Variants in EQTN observed in about 807,000 individuals in gnomAD.
EQTN encodes the protein equatorin.
A neutral mutation model predicts 26.9 loss-of-function variants in EQTN; 29 were observed. The ratio of observed to expected loss-of-function variants is 1.08; its 90% CI spans 0.80 to 1.47. The LOEUF is 1.47. Ranked by LOEUF, EQTN falls within the 40% of genes most tolerant of loss-of-function variation. The pLI, the probability that EQTN is intolerant of heterozygous loss-of-function variation, is 0.00. For synonymous variants in EQTN, 129 were observed against 120.0 expected (o/e 1.07, Z -0.49); for missense variants, 391 against 346.1 (o/e 1.13, Z -1.03).
At chr9:27,295,357 A>G (rs17778784) in intron 2 of EQTN, among the ~76,000 whole-genome samples, 19,275 of 152,210 alleles carry the variant, frequency 0.13, 1,540 homozygotes, top group East Asian at 0.21. Flanking sequence ...AGGGACAGAC[A>G]GTTTAAAAAA....
chr9:27,293,861 T>C (rs1820285392), intron 3 of EQTN, among the ~76,000 whole-genome samples: 1 of 152,226 alleles, frequency 6.6e-6, no homozygotes, highest in Non-Finnish European at 1.5e-5. Context: ...TAGGCATTCC[T>C]GAGTCTCACA....
Position 27,295,467 on chromosome 9 carries a change from C to T in EQTN, c.203-1065G>A, listed in dbSNP as rs757561257. ...TGGTGTTAGACACTTGGCTATCATC[C>T]TTGAAAAACATAATGTTTTATCCCT... is the stretch of plus-strand genomic sequence containing the variant. On this transcript the variant is annotated intron_variant, in intron 2 of 7. Coordinates refer to ENST00000380032, the MANE Select transcript of EQTN (RefSeq NM_020641.3). Among the ~76,000 whole-genome samples, 8 of 152,252 alleles carry T rather than the reference C, an allele frequency of 5.3e-5. No homozygotes were observed. The South Asian group carries it at 6.2e-4, about 12-fold the overall frequency.
At position 27,289,430 on chromosome 9, in the gene EQTN, TG is replaced by T. The variant is rs1820183773; in HGVS notation, c.481+241del. Reference sequence around the variant, plus strand: ...TAAGAGTATTTATGTGTCTATTAGTTGAAGTACTTTGGTTCATTTGTTGAGA... The same window carrying T: ...TAAGAGTATTTATGTGTCTATTAGTTAAGTACTTTGGTTCATTTGTTGAGA... On this transcript the variant is annotated intron_variant, in intron 6 of 7. Transcript: ENST00000380032. 1.3e-5 allele frequency among the ~76,000 whole-genome samples: 2 copies of T among 152,318 alleles called. 1 individual carries two copies. Among genetic ancestry groups the T allele is most frequent in the African/African-American group, 4.8e-5 (2 of 41,570 alleles).
Position 27,287,482 on chromosome 9 carries a change from G to T in EQTN, c.482-1120C>A, listed in dbSNP as rs1438130285. 2.0e-5 allele frequency among the ~76,000 whole-genome samples: 3 copies of T among 152,262 alleles called. No individual in the cohort carries two copies. The East Asian group carries it at 5.8e-4, about 29-fold the overall frequency. On this transcript the variant is annotated intron_variant, in intron 6 of 7. Coordinates refer to ENST00000380032, the MANE Select transcript of EQTN (RefSeq NM_020641.3). ...AGGTGATGGTCAGAACTAGAGAAGG[G>T]TTTGGAATTCGTAATCACTGGAAGT... is the stretch of plus-strand genomic sequence containing the variant.
chr9:27,295,416 A>G (rs572422037), intron 2 of EQTN, among the ~76,000 whole-genome samples: 1 of 152,376 alleles, frequency 6.6e-6, no homozygotes, highest in East Asian at 1.9e-4. Flanking sequence ...GGTTAATTAA[A>G]TATAAGTTTC....
chr9:27,294,897 T>C (rs190199864), intron 2 of EQTN, among the ~76,000 whole-genome samples: 1 of 152,270 alleles, frequency 6.6e-6, no homozygotes, highest in Admixed American at 6.5e-5. Flanking sequence ...TTAAGACTCA[T>C]TAGTGGAGTT....
At chr9:27,295,555 C>T (rs974362953) in intron 2 of EQTN, among the ~76,000 whole-genome samples, 2 of 151,934 alleles carry the variant, frequency 1.3e-5, no homozygotes, top group African/African-American at 2.4e-5. Context: ...AAACATAGGC[C>T]GGGTGCAGTG....
At chr9:27,294,991 C>T (rs771186012) in intron 2 of EQTN, among the ~76,000 whole-genome samples, 8 of 152,202 alleles carry the variant, frequency 5.3e-5, no homozygotes, top group Non-Finnish European at 1.0e-4. Context: ...TGGACATGCA[C>T]ATGTGTCTCC....
At chr9:27,295,910 C>T (rs1305311189) in intron 2 of EQTN, among the ~76,000 whole-genome samples, 3 of 150,286 alleles carry the variant, frequency 2.0e-5, no homozygotes, top group East Asian at 2.0e-4. Flanking sequence ...CTGGATAAAG[C>T]CTGCTTAGGC....
chr9:27,294,027 A>G (rs958431600), intron 3 of EQTN, among the ~76,000 whole-genome samples: 1 of 152,244 alleles, frequency 6.6e-6, no homozygotes, highest in Admixed American at 6.5e-5. Flanking sequence ...TTCTTTCCAC[A>G]TAAACCATAT....
chr9:27,295,756 C>T (rs1183706442), intron 2 of EQTN, among the ~76,000 whole-genome samples: 1 of 130,542 alleles, frequency 7.7e-6, no homozygotes, highest in African/African-American at 2.9e-5. Context: ...GGTGTGAACC[C>T]GGGAGGCGGA....
At chr9:27,286,727 T>A (rs746480086) in intron 6 of EQTN, among the ~76,000 whole-genome samples, 1 of 152,184 alleles carries the variant, frequency 6.6e-6, no homozygotes, top group Non-Finnish European at 1.5e-5. Flanking sequence ...CTACCATGTC[T>A]GAAGAGATTA....
intron 5 of EQTN, among the ~76,000 whole-genome samples, chr9:27,290,167 C>A (rs1242993438): frequency 6.6e-6 from 1 of 152,140 alleles, no homozygotes; most frequent in Admixed American, 6.5e-5. Context: ...AGCAATTTAA[C>A]ACTACATTTG....
At chr9:27,285,641 T>C (rs1391832039) in intron 7 of EQTN, among the ~76,000 whole-genome samples, 1 of 152,138 alleles carries the variant, frequency 6.6e-6, no homozygotes, top group Non-Finnish European at 1.5e-5. Flanking sequence ...AAATACACCA[T>C]TCGTCAAAAA....
At position 27,294,349 on chromosome 9, in the gene EQTN, C is replaced by T. The variant is rs767124335; in HGVS notation, c.256G>A (p.Ala86Thr). 6.2e-7 allele frequency: 1 copy of T among 1,611,106 alleles called. No homozygotes were observed. The highest frequency in any genetic ancestry group is 8.5e-7 in the Non-Finnish European group (1 of 1,178,142). Residue 86 changes from alanine to threonine, a missense_variant, in exon 3 of 8, where the codon GCC becomes ACC. By Grantham distance (58) the Ala-to-Thr change is moderately conservative (BLOSUM62 0). Transcript: ENST00000380032. ...AGAGCAAAATTCAGGTCAGTTGTGG[C>T]TCTCACAGATATTTCAGACTCAGTG... Reference protein sequence around the residue: ...NGTESEISVRATTDLNFALKN... With the variant: ...NGTESEISVRTTTDLNFALKN...
At chr9:27,288,998 T>C (rs182388273) in intron 6 of EQTN, among the ~76,000 whole-genome samples, 51 of 152,316 alleles carry the variant, frequency 3.3e-4, no homozygotes, top group African/African-American at 1.2e-3. Flanking sequence ...AATCCTGATG[T>C]AAATTATGGA....
Position 27,284,676 on chromosome 9 carries a change from G to A in EQTN, c.*47C>T. 1 of 1,568,554 alleles carries A rather than the reference G, an allele frequency of 6.4e-7. No homozygotes were observed. The highest frequency in any genetic ancestry group is 2.2e-5 in the East Asian group (1 of 44,532). On this transcript the variant is annotated 3_prime_UTR_variant, in exon 8 of 8. Coordinates refer to ENST00000380032, the MANE Select transcript of EQTN (RefSeq NM_020641.3). ...GTCTTTTGATGACAAAATAATTAAA[G>A]TTATTTATTCATCAATAAGATTTCT...
intron 1 of EQTN, 42 bp from the exon 2 acceptor site, chr9:27,296,780 A>G (rs372206977): frequency 6.3e-7 from 1 of 1,584,724 alleles, no homozygotes; most frequent in South Asian, 1.2e-5. Context: ...AAATATGTTG[A>G]TTTCTTTTAC....
At chr9:27,286,908 A>G (rs529260779) in intron 6 of EQTN, among the ~76,000 whole-genome samples, 2 of 152,316 alleles carry the variant, frequency 1.3e-5, no homozygotes, top group Admixed American at 1.3e-4. Flanking sequence ...TACTGAAAAG[A>G]CTAAACCTAG....
Sources: allele counts gnomAD v4.1 joint callset (sites outside exome capture counted in the v4.1 genomes callset), GRCh38; gene constraint gnomAD v4.1.1; transcripts MANE v1.5; gene names NCBI Gene and HGNC (gene_info 2026-07-23, HGNC 2026-07-21).